SUGCT: variants seen among roughly 807,000 people sequenced by gnomAD.
The protein encoded by SUGCT is succinyl-CoA:glutarate CoA-transferase.
SUGCT carries 41 observed loss-of-function variants against 55.0 expected under a neutral mutation model. That is an observed-to-expected ratio of 0.74 (90% confidence interval 0.58 to 0.97). The LOEUF is 0.97. Among genes scored for constraint, SUGCT ranks in the 50% least tolerant of loss-of-function variants. The pLI is 0.00. For missense variants in SUGCT, 568 were observed against 547.8 expected, an observed-to-expected ratio of 1.04 and a Z score of -0.37; for synonymous variants, 187 against 200.4, an observed-to-expected ratio of 0.93 and a Z score of 0.56.
At chr7:40,760,798 G>T (rs1788489868) in intron 13 of SUGCT, among the ~76,000 whole-genome samples, 1 of 151,402 alleles carries the variant, frequency 6.6e-6, no homozygotes, top group Non-Finnish European at 1.5e-5. Context: ...TCATTGACAG[G>T]CTGTCTCACG....
intron 12 of SUGCT, among the ~76,000 whole-genome samples, chr7:40,655,706 G>A (rs896937967): frequency 1.3e-5 from 2 of 152,186 alleles, no homozygotes; most frequent in African/African-American, 4.8e-5. Context: ...GTAGGGGACA[G>A]TGGTGAAATC....
intron 1 of SUGCT, among the ~76,000 whole-genome samples, chr7:40,141,430 C>T (rs1258600066): frequency 3.3e-5 from 5 of 151,842 alleles, no homozygotes; most frequent in East Asian, 3.9e-4. Context: ...GTTAGGAGTT[C>T]GAGACCAGCC....
chr7:40,827,508 C>T (rs1470805161), intron 13 of SUGCT, among the ~76,000 whole-genome samples: 1 of 152,216 alleles, frequency 6.6e-6, no homozygotes, highest in African/African-American at 2.4e-5. Flanking sequence ...CTCCAATCTG[C>T]TTCTGATTTG....
chr7:40,562,763 G>A (rs1795911328), intron 12 of SUGCT, among the ~76,000 whole-genome samples: 2 of 152,164 alleles, frequency 1.3e-5, no homozygotes, highest in Non-Finnish European at 2.9e-5. Flanking sequence ...GGAAAGAAGG[G>A]TCAGACAGAA....
At chr7:41,014,720 G>T in the SUGCT span, among the ~76,000 whole-genome samples, 1 of 152,152 alleles carries the variant, frequency 6.6e-6, no homozygotes, top group Non-Finnish European at 1.5e-5. Flanking sequence ...AAACTTGGGA[G>T]CACAATGAAG....
chr7:40,173,187 C>T (rs902614340), intron 1 of SUGCT, among the ~76,000 whole-genome samples: 3 of 152,162 alleles, frequency 2.0e-5, no homozygotes, highest in Admixed American at 6.5e-5. Context: ...GGAAGAGAAC[C>T]GTGGAACCCA....
chr7:40,860,338 G>C lies in SUGCT; in HGVS notation c.1176G>C (p.Lys392Asn), dbSNP rs760212666. The C allele has an allele frequency of 1.2e-6, 2 of 1,613,860 alleles. No homozygotes were observed. Among genetic ancestry groups the C allele is most frequent in the Non-Finnish European group, 1.7e-6 (2 of 1,179,874 alleles). The stretch of plus-strand genomic sequence containing the variant: ...CAGGCCCAGCTGTGAGATACAGTAA[G>C]TTCAAGATGTCAGAGGCCAGGCCGC... ...SVPGPAVRYSKFKMSEARPPP... is the reference protein window; with the variant it reads ...SVPGPAVRYSNFKMSEARPPP... The change falls in exon 14 of 14, where the codon AAG becomes AAC. Residue 392 changes from lysine to asparagine, a missense_variant. Transcript: ENST00000335693.
At position 40,184,214 on chromosome 7, in the gene SUGCT, A is replaced by G. The variant is rs377003750; in HGVS notation, c.226+2186A>G. Among the ~76,000 whole-genome samples, 6 of 152,142 alleles carry G rather than the reference A, an allele frequency of 3.9e-5. 1 individual carries two copies. The highest frequency in any genetic ancestry group is 4.1e-4 in the South Asian group (2 of 4,830). ...TCATTGTTTTGTGCCCTTTCTCTCC[A>G]ATAAGCACTTAAAGGGCACAGTCCA... On this transcript the variant is annotated intron_variant, in intron 3 of 13. Coordinates refer to ENST00000335693, the MANE Select transcript of SUGCT (RefSeq NM_001193313.2).
At chr7:40,489,912 T>TA (rs1791590729) in intron 11 of SUGCT, among the ~76,000 whole-genome samples, 2 of 152,332 alleles carry the variant, frequency 1.3e-5, no homozygotes, top group South Asian at 4.1e-4. Context: ...AGATATTTGT[T>TA]ACAGTCCTCA....
At chr7:40,762,098 T>C (rs1788562144) in intron 13 of SUGCT, among the ~76,000 whole-genome samples, 2 of 152,134 alleles carry the variant, frequency 1.3e-5, no homozygotes, top group Admixed American at 1.3e-4. Flanking sequence ...GCATTAATAA[T>C]GGAAATGGAT....
rs1554300320 is a variant in SUGCT at position 40,276,817 on chromosome 7, G to GTCTGTC, written c.720+2162_720+2163insCTGTCT. On this transcript the variant is annotated intron_variant, in intron 8 of 13. Coordinates refer to ENST00000335693, the MANE Select transcript of SUGCT (RefSeq NM_001193313.2). The stretch of plus-strand genomic sequence containing the variant: ...TGCATGTGTGTGTGTGTGTGTGTGT[G>GTCTGTC]TGTCTGTCTGTCTGTCTGTGTCTGT... Among the ~76,000 whole-genome samples, 37 of 150,578 alleles carry GTCTGTC rather than the reference G, an allele frequency of 2.5e-4. 1 individual carries two copies. In the South Asian group the frequency reaches 7.4e-3, roughly 30 times the overall value.
intron 9 of SUGCT, among the ~76,000 whole-genome samples, chr7:40,376,290 T>A (rs1280072286): frequency 6.6e-6 from 1 of 152,222 alleles, no homozygotes; most frequent in Non-Finnish European, 1.5e-5. Flanking sequence ...AATGTATTTA[T>A]CTTTCTGTAG....
intron 9 of SUGCT, among the ~76,000 whole-genome samples, chr7:40,334,147 A>G (rs933707552): frequency 3.3e-5 from 5 of 152,114 alleles, no homozygotes; most frequent in Admixed American, 6.5e-5. Flanking sequence ...AATCCAGTCT[A>G]TCATTGATGG....
intron 12 of SUGCT, among the ~76,000 whole-genome samples, chr7:40,748,599 GA>G (rs1787857140): frequency 6.6e-6 from 1 of 151,196 alleles, no homozygotes; most frequent in Non-Finnish European, 1.5e-5. Flanking sequence ...TAGAGAATAA[GA>G]ATTTATAAAA....
intron 9 of SUGCT, among the ~76,000 whole-genome samples, chr7:40,330,065 G>A (rs1796228144): frequency 6.6e-6 from 1 of 152,146 alleles, no homozygotes; most frequent in Admixed American, 6.5e-5. Context: ...TGAGAGAACA[G>A]CATCCTGGGC....
the SUGCT span, among the ~76,000 whole-genome samples, chr7:41,009,479 T>C: frequency 2.0e-5 from 3 of 152,170 alleles, no homozygotes; most frequent in Non-Finnish European, 4.4e-5. Context: ...ACTGGGTAAC[T>C]GGGTCCATCT....
chr7:40,540,530 C>T (rs552883531), intron 12 of SUGCT, among the ~76,000 whole-genome samples: 1 of 152,334 alleles, frequency 6.6e-6, no homozygotes, highest in African/African-American at 2.4e-5. Context: ...TCTGTCCTTA[C>T]CAGGAAAGTT....
intron 1 of SUGCT, among the ~76,000 whole-genome samples, chr7:40,144,047 G>T (rs1017844245): frequency 6.6e-6 from 1 of 152,198 alleles, no homozygotes; most frequent in Non-Finnish European, 1.5e-5. Flanking sequence ...GTGGTCCACA[G>T]AATGTTGGAC....
At chr7:40,563,057 C>T (rs909364509) in intron 12 of SUGCT, among the ~76,000 whole-genome samples, 4 of 152,060 alleles carry the variant, frequency 2.6e-5, no homozygotes, top group African/African-American at 7.2e-5. Flanking sequence ...CCTCTTCCTC[C>T]GCCCAAGTAA....
Sources: gnomAD v4.1 joint callset for allele counts (sites outside exome capture counted in the v4.1 genomes callset) on GRCh38, gnomAD v4.1.1 for gene constraint, MANE v1.5 for transcripts, NCBI Gene and HGNC (gene_info 2026-07-23, HGNC 2026-07-21) for gene names.